The following ARHGEF28 variants were observed in gnomAD, a reference collection of about 807,000 sequenced individuals.
The protein encoded by ARHGEF28 is Rho guanine nucleotide exchange factor 28.
ARHGEF28 carries 152 observed loss-of-function variants against 206.6 expected under a neutral mutation model. The ratio of observed to expected loss-of-function variants is 0.74; its 90% CI spans 0.64 to 0.84. The LOEUF is 0.84. ARHGEF28 is among the 40% of genes least tolerant of loss of function. The pLI, the probability that ARHGEF28 is intolerant of heterozygous loss-of-function variation, is 0.00. For missense variants in ARHGEF28, 2,028 were observed against 2,073.2 expected (o/e 0.98, Z 0.42); for synonymous variants, 763 against 776.4 (o/e 0.98, Z 0.29).
chr5:73,850,504 C>G (rs1047015398), intron 13 of ARHGEF28, among the ~76,000 whole-genome samples: 8 of 152,128 alleles, frequency 5.3e-5, no homozygotes, highest in African/African-American at 1.9e-4. Flanking sequence ...TTTAATAGCT[C>G]GACACCTTTT....
intron 35 of ARHGEF28, among the ~76,000 whole-genome samples, chr5:73,935,205 G>T (rs1232147011): frequency 6.6e-6 from 1 of 152,098 alleles, no homozygotes; most frequent in Non-Finnish European, 1.5e-5. Flanking sequence ...TTAAAAAATT[G>T]TAACACAATT....
chr5:73,668,939 C>A (rs1746136888), intron 1 of ARHGEF28, among the ~76,000 whole-genome samples: 1 of 152,048 alleles, frequency 6.6e-6, no homozygotes, highest in African/African-American at 2.4e-5. Flanking sequence ...ATTCTTGCTG[C>A]CTTTGGAAGG....
rs140418095 is a variant in ARHGEF28 at position 73,724,043 on chromosome 5, C to T, written c.34-25794C>T. On this transcript the variant is annotated intron_variant, in intron 2 of 35. Transcript: ENST00000513042. ...ACAGAGGTACCTGTGCCAGGGTCTG[C>T]GGGGGCATCCCAGGCAGGCCTGAGC... 7.9e-3 allele frequency among the ~76,000 whole-genome samples: 1,202 copies of T among 152,284 alleles called. 11 individuals are homozygous for T. The highest frequency in any genetic ancestry group is 0.027 in the African/African-American group (1,105 of 41,542).
At chr5:73,655,812 C>T (rs918792816) in intron 1 of ARHGEF28, among the ~76,000 whole-genome samples, 1 of 152,134 alleles carries the variant, frequency 6.6e-6, no homozygotes, top group African/African-American at 2.4e-5. Context: ...GGAAAATAAT[C>T]ATGATTTCCA....
At chr5:73,746,722 A>G (rs995945593) in intron 2 of ARHGEF28, among the ~76,000 whole-genome samples, 1 of 152,064 alleles carries the variant, frequency 6.6e-6, no homozygotes, top group African/African-American at 2.4e-5. Flanking sequence ...TGAATTGTCC[A>G]TTCTTTCCCT....
intron 5 of ARHGEF28, among the ~76,000 whole-genome samples, chr5:73,774,498 G>A (rs184413394): frequency 2.0e-5 from 3 of 152,154 alleles, no homozygotes; most frequent in Admixed American, 6.5e-5. Context: ...CTAGTACAAT[G>A]TCCAGCACAT....
intron 35 of ARHGEF28, among the ~76,000 whole-genome samples, chr5:73,925,717 C>T (rs1763759766): frequency 6.6e-6 from 1 of 151,826 alleles, no homozygotes; most frequent in Non-Finnish European, 1.5e-5. Context: ...CACTTTGTGC[C>T]TTTTGGGGCC....
intron 33 of ARHGEF28, among the ~76,000 whole-genome samples, chr5:73,907,938 G>A (rs1051005024): frequency 3.9e-5 from 6 of 152,150 alleles, no homozygotes; most frequent in African/African-American, 1.4e-4. Flanking sequence ...ATAAAGTATG[G>A]GATTTTTGTT....
intron 2 of ARHGEF28, among the ~76,000 whole-genome samples, chr5:73,736,256 A>G (rs1201435938): frequency 6.6e-6 from 1 of 152,202 alleles, no homozygotes; most frequent in Non-Finnish European, 1.5e-5. Flanking sequence ...GAGCCAATCA[A>G]TGCACCGGGC....
At chr5:73,916,959 T>C (rs1334079148) in intron 35 of ARHGEF28, among the ~76,000 whole-genome samples, 4 of 152,218 alleles carry the variant, frequency 2.6e-5, no homozygotes, top group Non-Finnish European at 4.4e-5. Flanking sequence ...TGATAGATAT[T>C]GAAGTCTGTT....
intron 2 of ARHGEF28, among the ~76,000 whole-genome samples, chr5:73,721,057 A>G (rs534826968): frequency 2.6e-5 from 4 of 152,320 alleles, no homozygotes; most frequent in South Asian, 2.1e-4. Flanking sequence ...AATTCTAACT[A>G]AAGTCTTTGT....
chr5:73,904,005 C>G, intron 31 of ARHGEF28: 1 of 551,700 alleles, frequency 1.8e-6, no homozygotes. Context: ...CCATCCATCT[C>G]AAACATCGAC....
At chr5:73,927,757 TGTTTAA>T (rs1200740370) in intron 35 of ARHGEF28, among the ~76,000 whole-genome samples, 16 of 152,378 alleles carry the variant, frequency 1.1e-4, no homozygotes, top group East Asian at 3.9e-4. Flanking sequence ...TTCCTAAAAA[TGTTTAA>T]GTTTAATTTC....
At chr5:73,940,223 G>A (rs1041496945) in intron 35 of ARHGEF28, among the ~76,000 whole-genome samples, 5 of 152,202 alleles carry the variant, frequency 3.3e-5, no homozygotes, top group Admixed American at 2.6e-4. Context: ...GTGTCCTGCT[G>A]TTGCTAGGTA....
At chr5:73,691,620 A>G (rs1295540723) in intron 2 of ARHGEF28, among the ~76,000 whole-genome samples, 3 of 152,224 alleles carry the variant, frequency 2.0e-5, no homozygotes, top group African/African-American at 7.2e-5. Context: ...AGAACCATGG[A>G]CTTAGTGCAA....
chr5:73,811,856 G>A (rs2112519438), intron 9 of ARHGEF28, among the ~76,000 whole-genome samples: 1 of 152,004 alleles, frequency 6.6e-6, no homozygotes, highest in Non-Finnish European at 1.5e-5. Flanking sequence ...GGTGGTGCAT[G>A]CCTGTAGACG....
At chr5:73,774,150 T>G in intron 5 of ARHGEF28, 112 bp downstream of exon 5, 3 of 948,080 alleles carry the variant, frequency 3.2e-6, no homozygotes, top group Non-Finnish European at 4.6e-6. Flanking sequence ...GTTTTACTGT[T>G]AGCTCTCATG....
intron 13 of ARHGEF28, 84 bp from the exon 14 acceptor site, chr5:73,852,566 T>C: frequency 2.6e-6 from 3 of 1,167,142 alleles, no homozygotes. Flanking sequence ...AATGATACAA[T>C]ATGGTTGAGT....
At chr5:73,712,514 C>T (rs1749311697) in intron 2 of ARHGEF28, among the ~76,000 whole-genome samples, 1 of 152,132 alleles carries the variant, frequency 6.6e-6, no homozygotes, top group African/African-American at 2.4e-5. Flanking sequence ...AGTGCTAGCA[C>T]CAGTGCAGGC....
Sources: gnomAD v4.1 joint callset for allele counts (sites outside exome capture counted in the v4.1 genomes callset) on GRCh38, gnomAD v4.1.1 for gene constraint, MANE v1.5 for transcripts, NCBI Gene and HGNC (gene_info 2026-07-23, HGNC 2026-07-21) for gene names.